CNTLN: variants seen among roughly 807,000 people sequenced by gnomAD.
CNTLN encodes centlein, also known as centlein, centrosomal protein.
In CNTLN, 212 loss-of-function variants were observed where a neutral mutation model predicts 180.0. The ratio of observed to expected loss-of-function variants is 1.18; its 90% confidence interval spans 1.05 to 1.32. CNTLN has a LOEUF of 1.32. CNTLN is among the 40% of genes most tolerant of loss of function. The pLI is 0.00. For missense variants in CNTLN, 2,095 were observed against 1,610.9 expected (o/e 1.30, Z -5.14); for synonymous variants, 722 against 563.1 (o/e 1.28, Z -3.99).
chr9:17,172,464 G>T (rs146039051), intron 2 of CNTLN, among the ~76,000 whole-genome samples: 11 of 152,014 alleles, frequency 7.2e-5, no homozygotes, highest in African/African-American at 2.7e-4. Flanking sequence ...CATTTTTCTT[G>T]TGTAGATTCT....
At chr9:17,417,753 A>G (rs1828374814) in intron 18 of CNTLN, among the ~76,000 whole-genome samples, 1 of 152,044 alleles carries the variant, frequency 6.6e-6, no homozygotes, top group Non-Finnish European at 1.5e-5. Context: ...TAGGGATTCA[A>G]CTAAAAATCT....
At chr9:17,199,203 CTTTTTTTTTTTTT>C (rs763632027) in intron 2 of CNTLN, among the ~76,000 whole-genome samples, 24 of 73,798 alleles carry the variant, frequency 3.3e-4, no homozygotes, top group East Asian at 1.2e-3. Context: ...TGTTTCTTGA[CTTTTTTTTTTTTT>C]TTTTTTTTTT....
intron 12 of CNTLN, among the ~76,000 whole-genome samples, chr9:17,348,533 T>TTTC (rs1491537026): frequency 1.2e-4 from 15 of 126,134 alleles, no homozygotes; most frequent in African/African-American, 4.0e-4. Context: ...TCTTTCTTTC[T>TTTC]TTTTTTTTTT....
chr9:17,259,900 A>G (rs1826822077), intron 5 of CNTLN, among the ~76,000 whole-genome samples: 1 of 133,454 alleles, frequency 7.5e-6, no homozygotes, highest in Non-Finnish European at 1.5e-5. Flanking sequence ...CGGTCTATCT[A>G]TTTTGTTGAT....
At chr9:17,216,810 C>A (rs1266332066) in intron 2 of CNTLN, among the ~76,000 whole-genome samples, 1 of 152,206 alleles carries the variant, frequency 6.6e-6, no homozygotes, top group Admixed American at 6.5e-5. Context: ...CCAACATAGG[C>A]TGCAAAGGGG....
At chr9:17,428,761 T>C (rs1473662869) in intron 18 of CNTLN, among the ~76,000 whole-genome samples, 1 of 152,036 alleles carries the variant, frequency 6.6e-6, no homozygotes, top group Non-Finnish European at 1.5e-5. Flanking sequence ...GTAGGCCTTC[T>C]TTACTATGCA....
At chr9:17,318,315 C>T (rs1819671644) in intron 8 of CNTLN, among the ~76,000 whole-genome samples, 1 of 152,062 alleles carries the variant, frequency 6.6e-6, no homozygotes, top group Non-Finnish European at 1.5e-5. Flanking sequence ...AGGCGTGAGC[C>T]ACCGCGCCGG....
At chr9:17,197,093 C>G (rs1371744085) in intron 2 of CNTLN, among the ~76,000 whole-genome samples, 1 of 152,138 alleles carries the variant, frequency 6.6e-6, no homozygotes, top group East Asian at 1.9e-4. Context: ...GAGCAAATTA[C>G]TTACACTCAC....
At chr9:17,227,676 T>C (rs1016872497) in intron 3 of CNTLN, among the ~76,000 whole-genome samples, 1 of 152,080 alleles carries the variant, frequency 6.6e-6, no homozygotes, top group Non-Finnish European at 1.5e-5. Context: ...AAAGTTCCAT[T>C]CCCTACATTT....
intron 2 of CNTLN, chr9:17,166,778 T>G (rs777876682): frequency 3.2e-6 from 1 of 311,160 alleles, no homozygotes; most frequent in Admixed American, 5.4e-5. Context: ...AGACGTTTTC[T>G]GTAACACATG....
chr9:17,200,921 G>A (rs1822479284), intron 2 of CNTLN, among the ~76,000 whole-genome samples: 1 of 152,052 alleles, frequency 6.6e-6, no homozygotes, highest in East Asian at 1.9e-4. Flanking sequence ...GTTTTCAAAG[G>A]GAATGTTTCC....
At chr9:17,269,112 A>G (rs1251186054) in intron 5 of CNTLN, among the ~76,000 whole-genome samples, 1 of 151,814 alleles carries the variant, frequency 6.6e-6, no homozygotes, top group African/African-American at 2.4e-5. Flanking sequence ...TGCAGAAATC[A>G]CCTGTCTTCT....
chr9:17,185,781 G>C (rs973026960), intron 2 of CNTLN, among the ~76,000 whole-genome samples: 1 of 151,638 alleles, frequency 6.6e-6, no homozygotes, highest in African/African-American at 2.4e-5. Context: ...TTGTGTGTGT[G>C]TGTGTGTGTG....
At chr9:17,347,207 G>A (rs1485518859) in intron 12 of CNTLN, among the ~76,000 whole-genome samples, 1 of 152,134 alleles carries the variant, frequency 6.6e-6, no homozygotes, top group Non-Finnish European at 1.5e-5. Context: ...TTATATCATG[G>A]TGGTGGCATC....
chr9:17,359,724 A>AAAAAAAAAAAAAAG lies in CNTLN; in HGVS notation c.1887-6893_1887-6892insAAAAAAAAAAAAAG, dbSNP rs1823159136. Among the ~76,000 whole-genome samples, 2 of 39,402 alleles carry AAAAAAAAAAAAAAG rather than the reference A, an allele frequency of 5.1e-5. 1 individual carries two copies. The highest frequency in any genetic ancestry group is 1.2e-4 in the Non-Finnish European group (2 of 16,032). The allele number at this position is 39,402 out of a possible 152,430, so 25.8% of individuals were successfully genotyped here. A position where few individuals can be genotyped will look rare whatever the true frequency, so the allele number is the denominator to read the frequency against. ...GTGAAACTCCGTCTATACTAAAAAT[A>AAAAAAAAAAAAAAG]CAAAAAAAAAAAAAAAAAAAAAAAA... On this transcript the variant is annotated intron_variant, in intron 12 of 25. Coordinates refer to ENST00000380647, the MANE Select transcript of CNTLN (RefSeq NM_017738.4).
intron 12 of CNTLN, among the ~76,000 whole-genome samples, chr9:17,356,960 T>C (rs1822897691): frequency 6.6e-6 from 1 of 152,132 alleles, no homozygotes; most frequent in Non-Finnish European, 1.5e-5. Flanking sequence ...TAGCCTACAC[T>C]GTAGGTGAGA....
intron 7 of CNTLN, among the ~76,000 whole-genome samples, chr9:17,305,369 T>C (rs570818772): frequency 7.2e-5 from 11 of 152,262 alleles, no homozygotes; most frequent in African/African-American, 2.6e-4. Context: ...GCTTTTTGGA[T>C]TATTAGAGGA....
chr9:17,427,945 A>T (rs1297097034), intron 18 of CNTLN, among the ~76,000 whole-genome samples: 1 of 152,202 alleles, frequency 6.6e-6, no homozygotes, highest in Non-Finnish European at 1.5e-5. Context: ...TGAACTAGAC[A>T]CAGGTATGGT....
At chr9:17,208,014 G>A (rs185530212) in intron 2 of CNTLN, among the ~76,000 whole-genome samples, 1 of 152,186 alleles carries the variant, frequency 6.6e-6, no homozygotes, top group East Asian at 1.9e-4. Context: ...GAATAACAGA[G>A]GTGAAAGTGG....
Sources: allele counts gnomAD v4.1 joint callset (sites outside exome capture counted in the v4.1 genomes callset), GRCh38; gene constraint gnomAD v4.1.1; transcripts MANE v1.5; gene names NCBI Gene and HGNC (gene_info 2026-07-23, HGNC 2026-07-21).